KIRREL3: variants seen among roughly 807,000 people sequenced by gnomAD.
The protein encoded by KIRREL3 is kin of IRRE-like protein 3.
Under a neutral mutation model 89.7 loss-of-function variants are expected in KIRREL3, and 36 were observed. The ratio of observed to expected loss-of-function variants is 0.40; its 90% CI spans 0.31 to 0.53. The LOEUF (loss-of-function observed/expected upper bound fraction) is 0.53. Among genes scored for constraint, KIRREL3 ranks in the 20% least tolerant of loss-of-function variants. KIRREL3 has a pLI of 0.49. For missense variants in KIRREL3, 864 were observed against 1,056.6 expected (o/e 0.82, Z 2.53); for synonymous variants, 445 against 441.4 (o/e 1.01, Z -0.10).
chr11:126,584,571 G>A (rs1026848652), intron 1 of KIRREL3, among the ~76,000 whole-genome samples: 15 of 152,222 alleles, frequency 9.9e-5, no homozygotes, highest in African/African-American at 3.6e-4. Flanking sequence ...GGGGAGCAAA[G>A]GTGGTCTTTC....
Position 126,527,742 on chromosome 11 carries a change from G to C in KIRREL3, c.134-1055C>G, listed in dbSNP as rs1229120550. ...GGTTAACTGAATTGCCCAGGGAACT[G>C]TCTAGTGGGAGTTGGGGTGGGTGGT... On this transcript the variant is annotated intron_variant, in intron 2 of 16. Coordinates refer to ENST00000525144, the MANE Select transcript of KIRREL3 (RefSeq NM_032531.4). The surrounding 1 kb of genome is among the most constrained non-coding windows in gnomAD (Gnocchi z 4.2). 2.0e-5 allele frequency among the ~76,000 whole-genome samples: 3 copies of C among 152,158 alleles called. No individual in the cohort carries two copies. The highest frequency in any genetic ancestry group is 7.2e-5 in the African/African-American group (3 of 41,432).
chr11:126,884,830 A>C, intron 1 of KIRREL3, among the ~76,000 whole-genome samples: 1 of 152,162 alleles, frequency 6.6e-6, no homozygotes, highest in East Asian at 1.9e-4. Context: ...CTTTCAGTAC[A>C]GAGCTGCAGT....
intron 1 of KIRREL3, among the ~76,000 whole-genome samples, chr11:126,580,536 G>A (rs1332879657): frequency 2.6e-5 from 4 of 152,220 alleles, no homozygotes; most frequent in Non-Finnish European, 4.4e-5. Context: ...GAGGCATACC[G>A]TGGAGGGCTT....
At chr11:126,971,357 T>C (rs2135214542) in intron 1 of KIRREL3, among the ~76,000 whole-genome samples, 1 of 152,282 alleles carries the variant, frequency 6.6e-6, no homozygotes, top group South Asian at 2.1e-4. Flanking sequence ...AAGATTGTAA[T>C]CATTACAAAT....
chr11:126,613,343 G>C (rs1943210501), intron 1 of KIRREL3, among the ~76,000 whole-genome samples: 3 of 152,134 alleles, frequency 2.0e-5, no homozygotes, highest in Non-Finnish European at 1.5e-5. Context: ...TACAGTTTTG[G>C]CTTTTTCACA....
intron 1 of KIRREL3, among the ~76,000 whole-genome samples, chr11:126,819,568 C>T (rs922331164): frequency 2.0e-5 from 3 of 152,196 alleles, no homozygotes; most frequent in Non-Finnish European, 4.4e-5. Context: ...ATTAAGAGCA[C>T]GTTGGCCATC....
intron 1 of KIRREL3, among the ~76,000 whole-genome samples, chr11:126,949,587 T>C (rs1948719953): frequency 1.3e-5 from 2 of 152,224 alleles, no homozygotes. Flanking sequence ...CATCTCTCCA[T>C]TCAGCCATCA....
chr11:126,941,762 G>A (rs530239773), intron 1 of KIRREL3, among the ~76,000 whole-genome samples: 6 of 152,316 alleles, frequency 3.9e-5, no homozygotes, highest in African/African-American at 1.2e-4. Flanking sequence ...ATCAGGGGCC[G>A]TGCCCTGGGA....
At chr11:126,456,034 T>G in intron 7 of KIRREL3, among the ~76,000 whole-genome samples, 3 of 107,898 alleles carry the variant, frequency 2.8e-5, no homozygotes, top group Admixed American at 9.9e-5. Flanking sequence ...TTTTTTTTTG[T>G]TTTCGTTTTT....
chr11:126,953,277 G>A lies in KIRREL3; in HGVS notation c.55+47178C>T, dbSNP rs1353257281. Among the ~76,000 whole-genome samples the A allele has an allele frequency of 2.0e-5, 3 of 149,788 alleles. No homozygotes were observed. Among genetic ancestry groups the A allele is most frequent in the Non-Finnish European group, 4.4e-5 (3 of 67,752 alleles). On this transcript the variant is annotated intron_variant, in intron 1 of 16. Coordinates refer to ENST00000525144, the MANE Select transcript of KIRREL3 (RefSeq NM_032531.4). The surrounding 1 kb of genome is among the most constrained non-coding windows in gnomAD (Gnocchi z 5.2). ...ATGTTCTCACTCATAAGTGGGTGTC[G>A]AACAATGAGAACACATGGACACAGG...
chr11:126,943,188 T>C lies in KIRREL3; in HGVS notation c.55+57267A>G, dbSNP rs2135120222. On this transcript the variant is annotated intron_variant, in intron 1 of 16. Coordinates refer to ENST00000525144, the MANE Select transcript of KIRREL3 (RefSeq NM_032531.4). This position sits in a 1 kb window ranked among gnomAD's most constrained non-coding sequence, Gnocchi z 4.2. ...CCACTGGGGCCTTCTCTTTGGGGTCTCAGGATTGGCTTTTGAGGTGTTTCT... is the reference window on the plus strand; with the variant it reads ...CCACTGGGGCCTTCTCTTTGGGGTCCCAGGATTGGCTTTTGAGGTGTTTCT... 6.6e-6 allele frequency among the ~76,000 whole-genome samples: 1 copy of C among 152,352 alleles called. No individual in the cohort carries two copies. Among genetic ancestry groups the C allele is most frequent in the Non-Finnish European group, 1.5e-5 (1 of 68,034 alleles).
At chr11:126,631,626 C>A (rs903186309) in intron 1 of KIRREL3, among the ~76,000 whole-genome samples, 1 of 152,186 alleles carries the variant, frequency 6.6e-6, no homozygotes, top group African/African-American at 2.4e-5. Flanking sequence ...AGGTGATTTG[C>A]ATCTTTAGCA....
chr11:126,709,246 C>T lies in KIRREL3; in HGVS notation c.56-146334G>A, dbSNP rs1052584576. Among the ~76,000 whole-genome samples, 7 of 152,214 alleles carry T rather than the reference C, an allele frequency of 4.6e-5. No homozygotes were observed. The highest frequency in any genetic ancestry group is 1.0e-4 in the Non-Finnish European group (7 of 68,030). ...AGTCCTCTTCCTGGCATTCAGAACT[C>T]GCCCCAAAATATGGCTGCCTTGACT... On this transcript the variant is annotated intron_variant, in intron 1 of 16. Coordinates refer to ENST00000525144, the MANE Select transcript of KIRREL3 (RefSeq NM_032531.4). This position sits in a 1 kb window ranked among gnomAD's most constrained non-coding sequence, Gnocchi z 4.0.
At position 126,903,062 on chromosome 11, in the gene KIRREL3, T is replaced by C. The variant is rs528923926; in HGVS notation, c.55+97393A>G. Among the ~76,000 whole-genome samples the C allele has an allele frequency of 6.6e-6, 1 of 152,336 alleles. No homozygotes were observed. The highest frequency in any genetic ancestry group is 2.4e-5 in the African/African-American group (1 of 41,570). On this transcript the variant is annotated intron_variant, in intron 1 of 16. Coordinates refer to ENST00000525144, the MANE Select transcript of KIRREL3 (RefSeq NM_032531.4). This position sits in a 1 kb window ranked among gnomAD's most constrained non-coding sequence, Gnocchi z 4.5. ...AAATAGCATCATTTACTCAGCAGCA[T>C]ATTGTACCTTTGCCTATTGTTTTCT...
chr11:126,870,804 G>A lies in KIRREL3; in HGVS notation c.55+129651C>T, dbSNP rs1945082177. On this transcript the variant is annotated intron_variant, in intron 1 of 16. Transcript: ENST00000525144. The surrounding 1 kb of genome is among the most constrained non-coding windows in gnomAD (Gnocchi z 4.4). ...CACACTGCCCCTCCCCACTTCCAGT[G>A]TAGTTCCTGCACTGCCCCTCCCCAC... Among the ~76,000 whole-genome samples, 1 of 152,152 alleles carries A rather than the reference G, an allele frequency of 6.6e-6. No individual in the cohort carries two copies. Among genetic ancestry groups the A allele is most frequent in the African/African-American group, 2.4e-5 (1 of 41,424 alleles).
At position 126,724,410 on chromosome 11, in the gene KIRREL3, T is replaced by C. The variant is rs377408718; in HGVS notation, c.56-161498A>G. On this transcript the variant is annotated intron_variant, in intron 1 of 16. Coordinates refer to ENST00000525144, the MANE Select transcript of KIRREL3 (RefSeq NM_032531.4). The surrounding 1 kb of genome is among the most constrained non-coding windows in gnomAD (Gnocchi z 4.3). ...TTATTGTCATAGCTTGTATCTCTTATGGACAAGATGCAGAGTGAGTGAGCC... is the reference window on the plus strand; with the variant it reads ...TTATTGTCATAGCTTGTATCTCTTACGGACAAGATGCAGAGTGAGTGAGCC... Among the ~76,000 whole-genome samples, 1 of 152,144 alleles carries C rather than the reference T, an allele frequency of 6.6e-6. No individual in the cohort carries two copies. The highest frequency in any genetic ancestry group is 1.5e-5 in the Non-Finnish European group (1 of 68,028).
At chr11:126,863,422 C>CGTG (rs763523187) in intron 1 of KIRREL3, among the ~76,000 whole-genome samples, 2 of 118,256 alleles carry the variant, frequency 1.7e-5, no homozygotes, top group African/African-American at 5.7e-5. Flanking sequence ...TGTGTGAGCG[C>CGTG]ATGTGTGTGA....
At chr11:126,988,836 A>G (rs1260632231) in intron 1 of KIRREL3, among the ~76,000 whole-genome samples, 1 of 152,224 alleles carries the variant, frequency 6.6e-6, no homozygotes, top group African/African-American at 2.4e-5. Flanking sequence ...GCTGGTCCCC[A>G]TTCAGCAATC....
chr11:126,963,738 C>T (rs1949172655), intron 1 of KIRREL3, among the ~76,000 whole-genome samples: 1 of 152,192 alleles, frequency 6.6e-6, no homozygotes, highest in Non-Finnish European at 1.5e-5. Flanking sequence ...TTTCTTACGT[C>T]TTCAGCCAAG....
Sources: allele counts gnomAD v4.1 joint callset (sites outside exome capture counted in the v4.1 genomes callset), GRCh38; gene constraint gnomAD v4.1.1; non-coding constraint Gnocchi (gnomAD v3.1); transcripts MANE v1.5; gene names NCBI Gene and HGNC (gene_info 2026-07-23, HGNC 2026-07-21).